The following LRRC4C variants were observed in gnomAD, a reference collection of about 807,000 sequenced individuals.
LRRC4C encodes the protein leucine rich repeat containing 4C, also known as leucine-rich repeat-containing protein 4C.
Under a neutral mutation model 33.6 loss-of-function variants are expected in LRRC4C, and 5 were observed. The ratio of observed to expected loss-of-function variants is 0.15; its 90% CI spans 0.08 to 0.31. The LOEUF is 0.31. Among genes scored for constraint, LRRC4C ranks in the 10% least tolerant of loss-of-function variants. The pLI is 1.00. For missense variants in LRRC4C, 560 were observed against 796.7 expected, an observed-to-expected ratio of 0.70 and a Z score of 3.58; for synonymous variants, 329 against 302.0, an observed-to-expected ratio of 1.09 and a Z score of -0.93.
chr11:40,489,739 G>T (rs1030258118), intron 3 of LRRC4C, among the ~76,000 whole-genome samples: 2 of 152,082 alleles, frequency 1.3e-5, no homozygotes, highest in South Asian at 4.1e-4. Context: ...AGCTATGAGA[G>T]TCTAATAGGT....
intron 1 of LRRC4C, among the ~76,000 whole-genome samples, chr11:41,107,012 TAA>T (rs58432273): frequency 2.7e-5 from 4 of 149,200 alleles, no homozygotes; most frequent in East Asian, 2.0e-4. Context: ...ACCTCATCTT[TAA>T]AAAAAAAATT....
intron 3 of LRRC4C, among the ~76,000 whole-genome samples, chr11:40,559,297 C>T (rs143915209): frequency 4.6e-5 from 7 of 151,766 alleles, no homozygotes; most frequent in Admixed American, 3.9e-4. Context: ...ATCCTCCCAT[C>T]CCCAGCCTCC....
Position 40,551,749 on chromosome 11 carries a change from A to G in LRRC4C, c.-270+96393T>C, listed in dbSNP as rs12285321. 6.9e-3 allele frequency among the ~76,000 whole-genome samples: 1,048 copies of G among 152,278 alleles called. 19 individuals are homozygous for G. The highest frequency in any genetic ancestry group is 0.024 in the African/African-American group (1,006 of 41,556). On this transcript the variant is annotated intron_variant, in intron 3 of 6. Transcript: ENST00000528697. ...AAGTTCCACAAATTGTACGTCTTGT[A>G]TTGTTAACTGATCAACCCTCAGAGC...
intron 2 of LRRC4C, among the ~76,000 whole-genome samples, chr11:40,908,319 G>A (rs1218770371): frequency 1.3e-5 from 2 of 151,996 alleles, no homozygotes; most frequent in African/African-American, 4.8e-5. Context: ...GCCAAAAAAA[G>A]CATACTTTCC....
chr11:41,326,446 G>A (rs977666276), intron 1 of LRRC4C, among the ~76,000 whole-genome samples: 2 of 152,000 alleles, frequency 1.3e-5, no homozygotes, highest in Admixed American at 6.6e-5. Flanking sequence ...TTATGATCAC[G>A]TGAGTCAATA....
At chr11:40,817,657 G>T (rs1951760797) in intron 2 of LRRC4C, among the ~76,000 whole-genome samples, 1 of 152,030 alleles carries the variant, frequency 6.6e-6, no homozygotes, top group Non-Finnish European at 1.5e-5. Context: ...CCAGTAATTT[G>T]CCCAAGTCAG....
intron 3 of LRRC4C, among the ~76,000 whole-genome samples, chr11:40,339,495 G>C (rs1946771156): frequency 6.6e-6 from 1 of 152,152 alleles, no homozygotes; most frequent in African/African-American, 2.4e-5. Flanking sequence ...ATATAAGTCT[G>C]GGAAAGCAGG....
intron 1 of LRRC4C, among the ~76,000 whole-genome samples, chr11:41,375,158 T>C (rs780214196): frequency 3.1e-4 from 47 of 151,994 alleles, no homozygotes; most frequent in Non-Finnish European, 5.9e-4. Flanking sequence ...TACAGAAAAA[T>C]AATTAGTGAA....
intron 1 of LRRC4C, among the ~76,000 whole-genome samples, chr11:41,044,728 G>A (rs1349045699): frequency 2.0e-5 from 3 of 152,088 alleles, no homozygotes; most frequent in Admixed American, 1.3e-4. Context: ...TATACTAGTG[G>A]AGAAAACTGT....
At chr11:41,374,141 CT>C (rs141524021) in intron 1 of LRRC4C, among the ~76,000 whole-genome samples, 1 of 152,302 alleles carries the variant, frequency 6.6e-6, no homozygotes, top group African/African-American at 2.4e-5. Flanking sequence ...CTTGAACCAT[CT>C]GTCTGAACTT....
chr11:41,170,262 T>G (rs1363008892), intron 1 of LRRC4C, among the ~76,000 whole-genome samples: 1 of 152,122 alleles, frequency 6.6e-6, no homozygotes, highest in East Asian at 1.9e-4. Context: ...TACTTTAAAG[T>G]TCATATGGAA....
chr11:40,599,292 TA>T (rs140548469), intron 3 of LRRC4C, among the ~76,000 whole-genome samples: 20,109 of 150,212 alleles, frequency 0.13, 1,518 homozygotes, highest in Non-Finnish European at 0.18. Context: ...TACAAAAATT[TA>T]AAAAAAAAAT....
rs1456503629 is a variant in LRRC4C at position 40,489,373 on chromosome 11, G to T, written c.-270+158769C>A. Among the ~76,000 whole-genome samples, 4 of 151,962 alleles carry T rather than the reference G, an allele frequency of 2.6e-5. No homozygotes were observed. In the East Asian group the frequency reaches 7.7e-4, roughly 29 times the overall value. ...CTCAATTTAGAATTAACATCCCTGG[G>T]AATCTTTAGATGACCACTTTCATAA... is the stretch of plus-strand genomic sequence containing the variant. On this transcript the variant is annotated intron_variant, in intron 3 of 6. Transcript: ENST00000528697.
At chr11:40,378,758 C>T (rs1230294174) in intron 3 of LRRC4C, among the ~76,000 whole-genome samples, 1 of 152,034 alleles carries the variant, frequency 6.6e-6, no homozygotes, top group Non-Finnish European at 1.5e-5. Flanking sequence ...AAAGCACACA[C>T]AAGTGAAGAG....
intron 2 of LRRC4C, among the ~76,000 whole-genome samples, chr11:40,687,786 T>C (rs1001288968): frequency 1.3e-5 from 2 of 152,108 alleles, no homozygotes; most frequent in Non-Finnish European, 2.9e-5. Flanking sequence ...TCCTAATGTG[T>C]AAATGGCTTG....
intron 2 of LRRC4C, among the ~76,000 whole-genome samples, chr11:40,686,414 C>T (rs1565634829): frequency 6.6e-6 from 1 of 152,046 alleles, no homozygotes; most frequent in Non-Finnish European, 1.5e-5. Context: ...ACCAAGAGCA[C>T]ATGTTGGAAT....
At chr11:40,439,511 T>C (rs1291467372) in intron 3 of LRRC4C, among the ~76,000 whole-genome samples, 2 of 150,924 alleles carry the variant, frequency 1.3e-5, no homozygotes, top group Non-Finnish European at 2.9e-5. Flanking sequence ...TGGAGTGCAG[T>C]GGTGCAATCT....
Position 40,987,671 on chromosome 11 carries a change from A to T in LRRC4C, c.-495-53948T>A, listed in dbSNP as rs1170784603. Among the ~76,000 whole-genome samples the T allele has an allele frequency of 8.8e-5, 2 of 22,660 alleles. 1 individual carries two copies. The highest frequency in any genetic ancestry group is 3.9e-3 in the South Asian group (2 of 514). The allele number at this position is 22,660 out of a possible 152,430, so 14.9% of individuals were successfully genotyped here. ...TATATATCTCATATATATGAGATAT[A>T]AATGATATATATATATATATCTCAT... On this transcript the variant is annotated intron_variant, in intron 1 of 6. Coordinates refer to ENST00000528697, the MANE Select transcript of LRRC4C (RefSeq NM_001258419.2).
At chr11:40,945,472 A>T (rs1429828732) in intron 1 of LRRC4C, among the ~76,000 whole-genome samples, 1 of 152,156 alleles carries the variant, frequency 6.6e-6, no homozygotes, top group Non-Finnish European at 1.5e-5. Flanking sequence ...TACACTGTCT[A>T]TACTCCTAAA....
Sources: allele counts gnomAD v4.1 joint callset (sites outside exome capture counted in the v4.1 genomes callset), GRCh38; gene constraint gnomAD v4.1.1; transcripts MANE v1.5; gene names NCBI Gene and HGNC (gene_info 2026-07-23, HGNC 2026-07-21).